The following KATNAL1 variants were observed in gnomAD, a reference collection of about 807,000 sequenced individuals.
KATNAL1 encodes the protein katanin p60 ATPase-containing subunit A-like 1.
Under a neutral mutation model 55.2 loss-of-function variants are expected in KATNAL1, and 32 were observed. That is an observed-to-expected ratio of 0.58 (90% CI 0.44 to 0.78). KATNAL1 has a LOEUF of 0.78. Ranked by LOEUF, KATNAL1 falls within the 30% of genes least tolerant of loss-of-function variation. The probability of loss-of-function intolerance (pLI) is 0.00; values close to 1 mark genes in which losing one functional copy is unlikely to be tolerated. For missense variants in KATNAL1, 466 were observed against 600.9 expected (o/e 0.78, Z 2.35); for synonymous variants, 193 against 193.6 (o/e 1.00, Z 0.02).
chr13:30,243,081 G>T (rs774203511), intron 4 of KATNAL1, among the ~76,000 whole-genome samples: 5 of 152,172 alleles, frequency 3.3e-5, no homozygotes, highest in Non-Finnish European at 7.4e-5. Context: ...TCACTGAAAT[G>T]ATCTTAGAAT....
At chr13:30,227,267 CT>C (rs1295439887) in intron 9 of KATNAL1, 144 bp downstream of exon 9, 5 of 615,444 alleles carry the variant, frequency 8.1e-6, no homozygotes, top group Non-Finnish European at 1.4e-5. Context: ...CAATAGAGTA[CT>C]GTGGCCTGTG....
chr13:30,251,106 C>A (rs1252669047), intron 4 of KATNAL1, among the ~76,000 whole-genome samples: 1 of 146,062 alleles, frequency 6.8e-6, no homozygotes, highest in East Asian at 2.0e-4. Context: ...CCACTGCACT[C>A]CAGTCTCTGG....
chr13:30,274,336 T>C (rs1459115840), intron 3 of KATNAL1, among the ~76,000 whole-genome samples: 1 of 152,190 alleles, frequency 6.6e-6, no homozygotes, highest in African/African-American at 2.4e-5. Context: ...AGTTAATCTC[T>C]CTGAGTACCC....
chr13:30,270,302 G>A (rs1880218264), intron 3 of KATNAL1, among the ~76,000 whole-genome samples: 1 of 150,354 alleles, frequency 6.7e-6, no homozygotes, highest in Non-Finnish European at 1.5e-5. Context: ...GGGAGGTGGG[G>A]GGTCAGCCCC....
At chr13:30,232,616 GCTCT>G (rs1375413873) in intron 6 of KATNAL1, among the ~76,000 whole-genome samples, 1 of 152,136 alleles carries the variant, frequency 6.6e-6, no homozygotes, top group Non-Finnish European at 1.5e-5. Flanking sequence ...CTTTTTCCAT[GCTCT>G]CTGAGAGGGC....
chr13:30,212,798 T>C (rs1873814377), intron 9 of KATNAL1, among the ~76,000 whole-genome samples: 1 of 152,172 alleles, frequency 6.6e-6, no homozygotes, highest in Non-Finnish European at 1.5e-5. Context: ...AATCACATAA[T>C]AGATGGTATG....
intron 4 of KATNAL1, among the ~76,000 whole-genome samples, chr13:30,244,077 C>T (rs1185055685): frequency 1.3e-5 from 2 of 152,064 alleles, no homozygotes. Context: ...TTATCCTTCC[C>T]CTAGTCCCCC....
intron 1 of KATNAL1, among the ~76,000 whole-genome samples, chr13:30,303,822 A>G (rs1372269546): frequency 6.6e-6 from 1 of 152,296 alleles, no homozygotes; most frequent in Middle Eastern, 3.4e-3. Context: ...CGGAAGCTTC[A>G]TTTTAAAAAA....
chr13:30,279,418 C>G (rs1881103563), intron 3 of KATNAL1, among the ~76,000 whole-genome samples: 2 of 152,088 alleles, frequency 1.3e-5, no homozygotes, highest in Admixed American at 6.5e-5. Context: ...AGGGGATAGT[C>G]AGTTGAGTTG....
At position 30,215,939 on chromosome 13, in the gene KATNAL1, T is replaced by A. The variant is rs116556106; in HGVS notation, c.1148-5497A>T. ...TTAAAGTATAATAATAATAAAATTT[T>A]AAAAAAAAGAAAATTAACTTCTGTT... On this transcript the variant is annotated intron_variant, in intron 9 of 10. Transcript: ENST00000380615. Among the ~76,000 whole-genome samples, 755 of 152,004 alleles carry A rather than the reference T, an allele frequency of 5.0e-3. 3 individuals carry two copies. Among genetic ancestry groups the A allele is most frequent in the African/African-American group, 0.013 (552 of 41,464 alleles).
chr13:30,241,632 T>A (rs1877289904), intron 4 of KATNAL1, among the ~76,000 whole-genome samples: 2 of 152,198 alleles, frequency 1.3e-5, no homozygotes, highest in Non-Finnish European at 2.9e-5. Context: ...TGGAAATACT[T>A]CAGCAAGCAC....
At position 30,205,386 on chromosome 13, in the gene KATNAL1, G is replaced by C. The variant is rs1419119256; in HGVS notation, c.*3154C>G. ...CCAATACACGTCTACAGAATGAAGG[G>C]ACTATCTGATCAGATATCTGCAAAG... On this transcript the variant is annotated 3_prime_UTR_variant, in exon 11 of 11. Coordinates refer to ENST00000380615, the MANE Select transcript of KATNAL1 (RefSeq NM_032116.5). 1.3e-5 allele frequency: 2 copies of C among 152,174 alleles called. No individual in the cohort carries two copies. Among genetic ancestry groups the C allele is most frequent in the Non-Finnish European group, 2.9e-5 (2 of 68,040 alleles). 9.4% of individuals were successfully genotyped at this position (152,174 alleles called of 1,614,324 possible). A position where few individuals can be genotyped will look rare whatever the true frequency, so the allele number is the denominator to read the frequency against.
At chr13:30,252,030 G>A (rs771115804) in intron 4 of KATNAL1, among the ~76,000 whole-genome samples, 1 of 152,058 alleles carries the variant, frequency 6.6e-6, no homozygotes, top group Non-Finnish European at 1.5e-5. Flanking sequence ...AAATAAACTC[G>A]TATTATTATA....
intron 3 of KATNAL1, among the ~76,000 whole-genome samples, chr13:30,262,291 A>C (rs1354266783): frequency 2.0e-5 from 3 of 152,084 alleles, no homozygotes; most frequent in Admixed American, 2.0e-4. Flanking sequence ...TGACACCCTA[A>C]CATCACAATT....
intron 1 of KATNAL1, among the ~76,000 whole-genome samples, chr13:30,293,817 A>G (rs1882298885): frequency 1.3e-5 from 2 of 152,210 alleles, no homozygotes; most frequent in South Asian, 4.1e-4. Flanking sequence ...GCAACTGTGC[A>G]TCCAGCAAGT....
chr13:30,209,972 C>A (rs1045140465), intron 10 of KATNAL1, among the ~76,000 whole-genome samples: 1 of 151,866 alleles, frequency 6.6e-6, no homozygotes, highest in African/African-American at 2.4e-5. Context: ...TTAGTAGAGG[C>A]GGGGTTTCAC....
intron 4 of KATNAL1, among the ~76,000 whole-genome samples, chr13:30,247,548 A>G (rs1337325822): frequency 3.3e-5 from 5 of 152,214 alleles, no homozygotes; most frequent in Admixed American, 3.3e-4. Flanking sequence ...CAATATATTA[A>G]TAAGTAAAAT....
chr13:30,215,642 A>G (rs1018904991), intron 9 of KATNAL1, among the ~76,000 whole-genome samples: 2 of 152,164 alleles, frequency 1.3e-5, no homozygotes, highest in Non-Finnish European at 2.9e-5. Context: ...GGATGAAACT[A>G]GAAATCATCA....
chr13:30,231,531 TATC>T (rs1368099239), intron 6 of KATNAL1, 59 bp from the exon 7 acceptor site: 7 of 1,104,638 alleles, frequency 6.3e-6, no homozygotes, highest in Admixed American at 3.3e-5. Context: ...TTTTATAAAT[TATC>T]ATCAGCTATT....
Sources: allele counts gnomAD v4.1 joint callset (sites outside exome capture counted in the v4.1 genomes callset), GRCh38; gene constraint gnomAD v4.1.1; transcripts MANE v1.5; gene names NCBI Gene and HGNC (gene_info 2026-07-23, HGNC 2026-07-21).